SLC6A16: variants seen among roughly 807,000 people sequenced by gnomAD.
SLC6A16 encodes solute carrier family 6 member 16.
Under a neutral mutation model 65.4 loss-of-function variants are expected in SLC6A16, and 54 were observed. The observed-to-expected ratio is 0.83, with a 90% CI of 0.66 to 1.04. SLC6A16 has a LOEUF of 1.04. Among genes scored for constraint, SLC6A16 ranks in the 50% least tolerant of loss-of-function variants. SLC6A16 has a pLI of 0.00. For missense variants in SLC6A16, 816 were observed against 914.0 expected, an observed-to-expected ratio of 0.89 and a Z score of 1.38; for synonymous variants, 330 against 346.5, an observed-to-expected ratio of 0.95 and a Z score of 0.53.
At position 49,292,654 on chromosome 19, in the gene SLC6A16, C is replaced by T. The variant is rs1401231220; in HGVS notation, c.1778+569G>A. Among the ~76,000 whole-genome samples the T allele has an allele frequency of 6.6e-6, 1 of 152,164 alleles. No homozygotes were observed. The highest frequency in any genetic ancestry group is 1.5e-5 in the Non-Finnish European group (1 of 68,040). Reference sequence around the variant, plus strand: ...ATCTCCTAATATCTTCTATTCCAGCCTCTCTGACTTCCTTGTTTCTCAAAA... The same window carrying T: ...ATCTCCTAATATCTTCTATTCCAGCTTCTCTGACTTCCTTGTTTCTCAAAA... On this transcript the variant is annotated intron_variant, in intron 10 of 11. Coordinates refer to ENST00000335875, the MANE Select transcript of SLC6A16 (RefSeq NM_014037.3). This position sits in a 1 kb window ranked among gnomAD's most constrained non-coding sequence, Gnocchi z 4.3.
chr19:49,311,558 T>C (rs1364078248), intron 1 of SLC6A16, 147 bp from the exon 2 acceptor site: 5 of 509,012 alleles, frequency 9.8e-6, no homozygotes, highest in Non-Finnish European at 1.7e-5. Flanking sequence ...AAGTTTCACT[T>C]CTTAGAAATG....
At position 49,325,091 on chromosome 19, in the gene SLC6A16, G is replaced by C. The variant is rs149878262; in HGVS notation, c.-108C>G. 3.6e-5 allele frequency: 35 copies of C among 985,582 alleles called. No individual in the cohort carries two copies. The East Asian group carries it at 3.4e-3, about 96-fold the overall frequency. The allele number at this position is 985,582 out of a possible 1,614,324, so 61.1% of individuals were successfully genotyped here. ...GCCAGGTTCTTCAGTCCAGCCAGTC[G>C]GACAAAAATGAGGGTGAAGAAGCCC... On this transcript the variant is annotated 5_prime_UTR_variant, in exon 1 of 12. Transcript: ENST00000335875.
At chr19:49,319,471 G>T (rs1031379096) in intron 1 of SLC6A16, among the ~76,000 whole-genome samples, 1 of 149,900 alleles carries the variant, frequency 6.7e-6, no homozygotes, top group Non-Finnish European at 1.5e-5. Flanking sequence ...GTGTATATGT[G>T]TATATGTATA....
intron 7 of SLC6A16, among the ~76,000 whole-genome samples, chr19:49,301,016 A>C (rs1489312567): frequency 6.6e-6 from 1 of 152,130 alleles, no homozygotes; most frequent in Non-Finnish European, 1.5e-5. Flanking sequence ...AGGCCACTGC[A>C]CTCCAGCCTG....
the SLC6A16 span, chr19:49,339,393 C>CT: frequency 1.9e-6 from 3 of 1,613,988 alleles, no homozygotes; most frequent in Non-Finnish European, 2.5e-6. This position sits in a 1 kb window ranked among gnomAD's most constrained non-coding sequence, Gnocchi z 4.5. Flanking sequence ...GGGCATTTGC[C>CT]TGGGCGTCGG....
At chr19:49,308,407 C>T (rs1447318357) in intron 7 of SLC6A16, among the ~76,000 whole-genome samples, 17 of 152,004 alleles carry the variant, frequency 1.1e-4, no homozygotes, top group South Asian at 6.2e-4. Context: ...GAGCCAAGTT[C>T]GCGCCACTGC....
At position 49,315,183 on chromosome 19, in the gene SLC6A16, A is replaced by G. The variant is rs368695142; in HGVS notation, c.-64-3772T>C. Among the ~76,000 whole-genome samples the G allele has an allele frequency of 2.0e-4, 30 of 152,380 alleles. 1 individual carries two copies. The highest frequency in any genetic ancestry group is 9.8e-4 in the Admixed American group (15 of 15,304). The stretch of plus-strand genomic sequence containing the variant: ...CAGGACCAAACTGTAATCACTGAGG[A>G]GTCAGTTCACATCTCTTTTTCCTGA... On this transcript the variant is annotated intron_variant, in intron 1 of 11. Transcript: ENST00000335875.
At chr19:49,324,789 C>T (rs987273104) in intron 1 of SLC6A16, among the ~76,000 whole-genome samples, 27 of 152,232 alleles carry the variant, frequency 1.8e-4, no homozygotes, top group African/African-American at 6.5e-4. Context: ...ATGGCCGAAT[C>T]CTGTCAAGGA....
intron 7 of SLC6A16, among the ~76,000 whole-genome samples, chr19:49,302,624 C>T (rs1292882166): frequency 6.6e-6 from 1 of 152,210 alleles, no homozygotes; most frequent in African/African-American, 2.4e-5. Flanking sequence ...AATAAACTTC[C>T]ATTAGCTGAC....
At position 49,295,911 on chromosome 19, in the gene SLC6A16, G is replaced by T. The variant is rs572763117; in HGVS notation, c.1230-1358C>A. 1.1e-3 allele frequency among the ~76,000 whole-genome samples: 164 copies of T among 152,248 alleles called. 1 individual carries two copies. Among genetic ancestry groups the T allele is most frequent in the African/African-American group, 3.9e-3 (161 of 41,546 alleles). On this transcript the variant is annotated intron_variant, in intron 7 of 11. Coordinates refer to ENST00000335875, the MANE Select transcript of SLC6A16 (RefSeq NM_014037.3). ...TGCTCCTGGCCCTTCTACACAACTG[G>T]GAATGCAAGGAAAGCTGTTTCAGAA...
At chr19:49,325,212 C>T (rs1008575708), upstream of SLC6A16, 4 of 985,404 alleles carry the variant, frequency 4.1e-6, no homozygotes, top group Non-Finnish European at 3.6e-6. Flanking sequence ...CGGCCTTTCC[C>T]GCCGATTCTC....
At chr19:49,321,372 G>A (rs1490125875) in intron 1 of SLC6A16, among the ~76,000 whole-genome samples, 1 of 151,494 alleles carries the variant, frequency 6.6e-6, no homozygotes, top group Admixed American at 6.6e-5. Context: ...AATACGGCTG[G>A]GCATGGTGAC....
chr19:49,325,717 C>T (rs898060919), upstream of SLC6A16, among the ~76,000 whole-genome samples: 3 of 152,136 alleles, frequency 2.0e-5, no homozygotes, highest in South Asian at 2.1e-4. Context: ...TTAAGGACTC[C>T]AATAATTTAT....
chr19:49,290,000 C>A lies in SLC6A16; in HGVS notation c.*123G>T. On this transcript the variant is annotated 3_prime_UTR_variant, in exon 12 of 12. Coordinates refer to ENST00000335875, the MANE Select transcript of SLC6A16 (RefSeq NM_014037.3). The stretch of plus-strand genomic sequence containing the variant: ...GCCCCATGAACACCCCCAAAGAATG[C>A]CCCTCCTCTTGGAAATAAAAGTGGT... 1 of 1,007,312 alleles carries A rather than the reference C, an allele frequency of 9.9e-7. No homozygotes were observed. Among genetic ancestry groups the A allele is most frequent in the South Asian group, 1.6e-5 (1 of 62,178 alleles). 62.4% of individuals were successfully genotyped at this position (1,007,312 alleles called of 1,614,324 possible).
At chr19:49,312,788 T>C (rs1278919988) in intron 1 of SLC6A16, among the ~76,000 whole-genome samples, 1 of 152,180 alleles carries the variant, frequency 6.6e-6, no homozygotes, top group African/African-American at 2.4e-5. Context: ...AAAGAGCTCT[T>C]TGTTACACAA....
chr19:49,339,693 C>T, the SLC6A16 span: 2 of 1,413,286 alleles, frequency 1.4e-6, no homozygotes, highest in Non-Finnish European at 9.2e-7. This position sits in a 1 kb window ranked among gnomAD's most constrained non-coding sequence, Gnocchi z 4.5. Flanking sequence ...AGCTACAGCG[C>T]AGGGCACTCC....
At chr19:49,302,760 C>T (rs886409247) in intron 7 of SLC6A16, among the ~76,000 whole-genome samples, 10 of 152,026 alleles carry the variant, frequency 6.6e-5, no homozygotes, top group East Asian at 5.8e-4. Flanking sequence ...AATAGAACAA[C>T]GAAAGAAGAG....
chr19:49,327,071 T>C (rs1568544147), upstream of SLC6A16, among the ~76,000 whole-genome samples: 1 of 146,968 alleles, frequency 6.8e-6, no homozygotes, highest in Admixed American at 6.8e-5. Context: ...CCTATTTATT[T>C]CTATCGAATT....
chr19:49,292,613 T>C lies in SLC6A16; in HGVS notation c.1778+610A>G, dbSNP rs897160331. On this transcript the variant is annotated intron_variant, in intron 10 of 11. Coordinates refer to ENST00000335875, the MANE Select transcript of SLC6A16 (RefSeq NM_014037.3). The surrounding 1 kb of genome is among the most constrained non-coding windows in gnomAD (Gnocchi z 4.3). The stretch of plus-strand genomic sequence containing the variant: ...AAAACCCTACATGACTTGGCCACCA[T>C]CACTTCTCTAGCCCCATCTCCTAAT... 6.6e-6 allele frequency among the ~76,000 whole-genome samples: 1 copy of C among 152,192 alleles called. No individual in the cohort carries two copies. Among genetic ancestry groups the C allele is most frequent in the Non-Finnish European group, 1.5e-5 (1 of 68,036 alleles).
Sources: gnomAD v4.1 joint callset for allele counts (sites outside exome capture counted in the v4.1 genomes callset) on GRCh38, gnomAD v4.1.1 for gene constraint, Gnocchi (gnomAD v3.1) non-coding constraint, MANE v1.5 for transcripts, NCBI Gene and HGNC (gene_info 2026-07-23, HGNC 2026-07-21) for gene names.